XKR6: variants seen among roughly 807,000 people sequenced by gnomAD.
XKR6 encodes the protein XK related 6, also known as XK-related protein 6.
A neutral mutation model predicts 56.7 loss-of-function variants in XKR6; 22 were observed. The observed-to-expected ratio is 0.39, with a 90% confidence interval of 0.28 to 0.55. XKR6 has a LOEUF of 0.55. XKR6 is among the 20% of genes least tolerant of loss of function. XKR6 has a pLI of 0.66. For synonymous variants in XKR6, 524 were observed against 387.8 expected (o/e 1.35, Z -4.13); for missense variants, 852 against 889.0 (o/e 0.96, Z 0.53).
intron 1 of XKR6, chr8:11,194,430 T>A (rs1803756014): frequency 6.6e-6 from 1 of 152,224 alleles, no homozygotes; most frequent in South Asian, 2.1e-4. Context: ...TAGTCAAAAG[T>A]CAATGAACTT....
chr8:10,963,663 T>A (rs932474381), intron 1 of XKR6, among the ~76,000 whole-genome samples: 2 of 151,840 alleles, frequency 1.3e-5, no homozygotes, highest in Non-Finnish European at 2.9e-5. Flanking sequence ...CACCTCAGCC[T>A]CCCAACCTGT....
chr8:11,083,900 G>C (rs374788913), intron 1 of XKR6, among the ~76,000 whole-genome samples: 1 of 151,900 alleles, frequency 6.6e-6, no homozygotes, highest in African/African-American at 2.4e-5. Flanking sequence ...AAGTTCTTGA[G>C]ACAGATTGTA....
chr8:10,992,908 C>T (rs1158849664), intron 1 of XKR6, among the ~76,000 whole-genome samples: 2 of 152,194 alleles, frequency 1.3e-5, no homozygotes, highest in Admixed American at 1.3e-4. Context: ...AACCACCACG[C>T]CGAGCTGAGG....
At chr8:11,027,146 T>C (rs1457333233) in intron 1 of XKR6, among the ~76,000 whole-genome samples, 1 of 152,240 alleles carries the variant, frequency 6.6e-6, no homozygotes, top group Non-Finnish European at 1.5e-5. Flanking sequence ...TACAATACTG[T>C]ACTGAATACA....
At position 10,973,561 on chromosome 8, in the gene XKR6, TTCTTTCTC is replaced by T. The variant is rs577856057; in HGVS notation, c.765-48739_765-48732del. On this transcript the variant is annotated intron_variant, in intron 1 of 2. Coordinates refer to ENST00000416569, the MANE Select transcript of XKR6 (RefSeq NM_173683.4). ...AAAGCGTAAGGCTACTGATCTTTCT[TTCTTTCTC>T]TCTTTCTCTCTTTCTCTCTTTCTTT... is the stretch of plus-strand genomic sequence containing the variant. 4.7e-3 allele frequency among the ~76,000 whole-genome samples: 713 copies of T among 152,274 alleles called. 3 individuals carry two copies. Among genetic ancestry groups the T allele is most frequent in the East Asian group, 0.014 (75 of 5,184 alleles).
intron 1 of XKR6, among the ~76,000 whole-genome samples, chr8:11,134,447 T>A (rs1800278233): frequency 6.6e-6 from 1 of 152,162 alleles, no homozygotes; most frequent in South Asian, 2.1e-4. Flanking sequence ...CATTGACTAC[T>A]CCAAGTGGAA....
chr8:10,900,716 G>T (rs150493976), intron 2 of XKR6, among the ~76,000 whole-genome samples: 53 of 152,322 alleles, frequency 3.5e-4, no homozygotes, highest in African/African-American at 1.2e-3. Flanking sequence ...CATCTCATGT[G>T]TGTCTGCAGT....
At chr8:10,988,575 C>T (rs1177642413) in intron 1 of XKR6, among the ~76,000 whole-genome samples, 5 of 152,162 alleles carry the variant, frequency 3.3e-5, no homozygotes, top group Non-Finnish European at 7.4e-5. Context: ...GCAAGGTCCA[C>T]ACAGAAACGA....
intron 1 of XKR6, among the ~76,000 whole-genome samples, chr8:11,020,321 T>A (rs1363581394): frequency 1.3e-5 from 2 of 152,210 alleles, no homozygotes; most frequent in African/African-American, 4.8e-5. Flanking sequence ...CTCCTGTCAC[T>A]CAGCCATCCC....
At chr8:10,951,229 A>C (rs1384971758) in intron 1 of XKR6, among the ~76,000 whole-genome samples, 1 of 151,128 alleles carries the variant, frequency 6.6e-6, no homozygotes, top group African/African-American at 2.5e-5. Flanking sequence ...ATAGTGATGG[A>C]AACTCATGCT....
chr8:11,146,133 T>C (rs1800970603), intron 1 of XKR6, among the ~76,000 whole-genome samples: 1 of 152,218 alleles, frequency 6.6e-6, no homozygotes, highest in Admixed American at 6.5e-5. Context: ...AATATTCATA[T>C]TGTTTAGAAA....
At chr8:11,179,570 T>G (rs80204299) in intron 1 of XKR6, among the ~76,000 whole-genome samples, 1 of 152,092 alleles carries the variant, frequency 6.6e-6, no homozygotes, top group Non-Finnish European at 1.5e-5. Flanking sequence ...CTCAAAACAC[T>G]AGAGTTTCAG....
intron 1 of XKR6, among the ~76,000 whole-genome samples, chr8:11,121,116 C>T (rs1359131792): frequency 2.6e-5 from 4 of 152,176 alleles, no homozygotes; most frequent in Non-Finnish European, 5.9e-5. Context: ...CCACTCAGGA[C>T]ATAGGCATGG....
rs939809730 is a variant in XKR6 at position 11,200,976 on chromosome 8, C to A, written c.364G>T (p.Val122Leu). 2 of 1,496,800 alleles carry A rather than the reference C, an allele frequency of 1.3e-6. No homozygotes were observed. Among genetic ancestry groups the A allele is most frequent in the Non-Finnish European group, 1.8e-6 (2 of 1,123,980 alleles). 92.7% of individuals were successfully genotyped at this position (1,496,800 alleles called of 1,614,324 possible). ...AGGCAGTCGAGCCACGGCCGCTCCA[C>A]CTGCGGCGGCGGCGGCTCCGGCCGC... The part of the protein sequence containing the change: ...AARPEPPPPQ[V>L]ERPWLDCLWI... The change falls in exon 1 of 3, where the codon GTG (valine) becomes TTG (leucine). Residue 122 changes from valine (V) to leucine (L), a missense_variant. By Grantham distance (32) the Val-to-Leu change is conservative (BLOSUM62 1). Around this residue, in one of 4 missense-constraint regions of XKR6, gnomAD observed 417 missense variants for 355.2 expected, o/e 1.17. Transcript: ENST00000416569. The surrounding 1 kb of genome is among the most constrained non-coding windows in gnomAD (Gnocchi z 6.4).
intron 1 of XKR6, among the ~76,000 whole-genome samples, chr8:11,060,417 C>T (rs1041018638): frequency 3.9e-5 from 6 of 152,218 alleles, no homozygotes; most frequent in Non-Finnish European, 7.3e-5. Flanking sequence ...CTGCCTCCTC[C>T]GCAGCCCCGC....
chr8:10,905,921 C>G (rs1024057808), intron 2 of XKR6, among the ~76,000 whole-genome samples: 2 of 152,162 alleles, frequency 1.3e-5, no homozygotes, highest in African/African-American at 4.8e-5. Context: ...CCTCGCCTTC[C>G]CACAGGAGAC....
At position 10,948,793 on chromosome 8, in the gene XKR6, C is replaced by G. The variant is rs559589780; in HGVS notation, c.765-23963G>C. On this transcript the variant is annotated intron_variant, in intron 1 of 2. Transcript: ENST00000416569. The stretch of plus-strand genomic sequence containing the variant: ...TGTATCCGTGTCCACCAGCCCCATT[C>G]TGGGGAGACGTGCTCATCTGTGTTG... Among the ~76,000 whole-genome samples the G allele has an allele frequency of 9.2e-5, 14 of 152,330 alleles. No homozygotes were observed. The South Asian group carries it at 2.9e-3, about 32-fold the overall frequency.
chr8:10,911,554 G>C (rs1031763964), intron 2 of XKR6, among the ~76,000 whole-genome samples: 17 of 147,252 alleles, frequency 1.2e-4, no homozygotes, highest in African/African-American at 4.2e-4. Context: ...TATATATAGA[G>C]AGAATATCTA....
At chr8:11,145,073 C>T (rs968461798) in intron 1 of XKR6, among the ~76,000 whole-genome samples, 1 of 144,398 alleles carries the variant, frequency 6.9e-6, no homozygotes, top group Non-Finnish European at 1.5e-5. Flanking sequence ...AACAAACTAC[C>T]TGAGTATCTC....
Sources: gnomAD v4.1 joint callset for allele counts (sites outside exome capture counted in the v4.1 genomes callset) on GRCh38, gnomAD v4.1.1 for gene constraint, gnomAD v4.1.1 regional missense constraint, Gnocchi (gnomAD v3.1) non-coding constraint, MANE v1.5 for transcripts, NCBI Gene and HGNC (gene_info 2026-07-23, HGNC 2026-07-21) for gene names.